REEP1: variants seen among roughly 807,000 people sequenced by gnomAD.
REEP1 encodes the protein receptor expression-enhancing protein 1.
REEP1 carries 22 observed loss-of-function variants against 40.3 expected under a neutral mutation model. The observed-to-expected ratio is 0.55, with a 90% CI of 0.39 to 0.78. The LOEUF (loss-of-function observed/expected upper bound fraction) is 0.78, where lower values mean the gene tolerates loss of function less well. Ranked by LOEUF, REEP1 falls within the 30% of genes least tolerant of loss-of-function variation. REEP1 has a pLI of 0.00. For missense variants in REEP1, 280 were observed against 361.1 expected (o/e 0.78, Z 1.82); for synonymous variants, 116 against 139.2 (o/e 0.83, Z 1.17).
At chr2:86,306,661 C>A (rs1260465963) in intron 1 of REEP1, among the ~76,000 whole-genome samples, 1 of 152,172 alleles carries the variant, frequency 6.6e-6, no homozygotes, top group African/African-American at 2.4e-5. Flanking sequence ...GTTATCTGAT[C>A]TACAAATTGG....
intron 1 of REEP1, among the ~76,000 whole-genome samples, chr2:86,284,169 C>T (rs78924465): frequency 6.6e-6 from 1 of 152,198 alleles, no homozygotes; most frequent in Non-Finnish European, 1.5e-5. Flanking sequence ...CTTGCCTGCC[C>T]CCTCCTAAGC....
At position 86,217,086 on chromosome 2, in the gene REEP1, G is replaced by A. The variant is rs375445585; in HGVS notation, c.808C>T (p.Arg270Cys). The change falls in exon 9 of 9, where the codon CGC (arginine) becomes TGC (cysteine). Residue 270 changes from arginine (R) to cysteine (C), a missense_variant. Coordinates refer to ENST00000538924, the MANE Select transcript of REEP1 (RefSeq NM_001371279.1). ...LEAPPRILRS[R>C]FRKKSTSSSA... Reference sequence around the variant, plus strand: ...GATGAGGTACTTTTCTTCCTGAAGCGAGATCGAAGGATTCTAGGCGGTGCC... The same window carrying A: ...GATGAGGTACTTTTCTTCCTGAAGCAAGATCGAAGGATTCTAGGCGGTGCC... The A allele has an allele frequency of 8.0e-5, 129 of 1,614,096 alleles. 4 individuals are homozygous for A. In the South Asian group the frequency reaches 1.1e-3, roughly 14 times the overall value.
intron 1 of REEP1, among the ~76,000 whole-genome samples, chr2:86,311,304 G>A (rs182664649): frequency 1.3e-5 from 2 of 152,312 alleles, no homozygotes; most frequent in African/African-American, 4.8e-5. Flanking sequence ...GCAACAGGGG[G>A]GCCAGCAGGG....
intron 6 of REEP1, 70 bp downstream of exon 6, chr2:86,232,555 C>T (rs1333643524): frequency 2.1e-5 from 33 of 1,560,134 alleles, no homozygotes; most frequent in South Asian, 1.2e-4. Flanking sequence ...TGCCACACTG[C>T]GGACTGGGCC....
chr2:86,295,832 C>T (rs1678956199), intron 1 of REEP1, among the ~76,000 whole-genome samples: 1 of 152,214 alleles, frequency 6.6e-6, no homozygotes, highest in South Asian at 2.1e-4. Flanking sequence ...AGCCACCGCG[C>T]CCAGCCCACA....
intron 3 of REEP1, among the ~76,000 whole-genome samples, chr2:86,261,746 A>G (rs1240852619): frequency 1.3e-5 from 2 of 152,186 alleles, no homozygotes; most frequent in East Asian, 1.9e-4. Context: ...GAGGATTAGT[A>G]TAAGAGGAAG....
intron 7 of REEP1, 100 bp downstream of exon 7, chr2:86,227,263 C>T: frequency 5.3e-6 from 5 of 949,520 alleles, no homozygotes; most frequent in Non-Finnish European, 6.9e-6. Flanking sequence ...TATGACCATG[C>T]AGCTGAAAGG....
At chr2:86,226,775 G>A (rs895754035) in intron 7 of REEP1, among the ~76,000 whole-genome samples, 10 of 151,948 alleles carry the variant, frequency 6.6e-5, no homozygotes, top group African/African-American at 2.2e-4. Context: ...CAGTGACCCT[G>A]TGGTGGTTTT....
At chr2:86,251,748 A>C in intron 5 of REEP1, 4 of 598,814 alleles carry the variant, frequency 6.7e-6, no homozygotes, top group Non-Finnish European at 9.0e-6. Context: ...ACCTCTTGAT[A>C]TTGCAAGTAT....
chr2:86,271,360 C>A (rs1350252441), intron 2 of REEP1, among the ~76,000 whole-genome samples: 3 of 148,106 alleles, frequency 2.0e-5, no homozygotes, highest in Admixed American at 2.0e-4. Context: ...AAAGAAAAAT[C>A]ATTACCATAC....
intron 1 of REEP1, among the ~76,000 whole-genome samples, chr2:86,332,974 A>G (rs920313132): frequency 6.6e-6 from 1 of 152,224 alleles, no homozygotes; most frequent in Non-Finnish European, 1.5e-5. Flanking sequence ...AGTTGCCCTT[A>G]GGACTGTGAT....
intron 2 of REEP1, among the ~76,000 whole-genome samples, chr2:86,273,390 T>C (rs766752240): frequency 6.6e-6 from 1 of 151,834 alleles, no homozygotes; most frequent in Non-Finnish European, 1.5e-5. Context: ...GCTCAAGTGA[T>C]TCTCCCACTC....
chr2:86,294,158 T>C (rs918937820), intron 1 of REEP1, among the ~76,000 whole-genome samples: 1 of 151,752 alleles, frequency 6.6e-6, no homozygotes, highest in Non-Finnish European at 1.5e-5. Flanking sequence ...ATATAGGGAG[T>C]TGATAATGGG....
chr2:86,215,698 T>C lies in REEP1; in HGVS notation c.*1341A>G, dbSNP rs1005879198. On this transcript the variant is annotated 3_prime_UTR_variant, in exon 9 of 9. Transcript: ENST00000538924. ...CAATGCCATTTAAACCAGATTCTTT[T>C]CAAATAAAATTCTCAATCTAAGTGG... The C allele has an allele frequency of 2.0e-5, 3 of 152,642 alleles. No homozygotes were observed. Among genetic ancestry groups the C allele is most frequent in the Non-Finnish European group, 4.4e-5 (3 of 68,046 alleles). The allele number at this position is 152,642 out of a possible 1,614,324, so 9.5% of individuals were successfully genotyped here.
chr2:86,306,555 G>A (rs1679487339), intron 1 of REEP1, among the ~76,000 whole-genome samples: 1 of 152,140 alleles, frequency 6.6e-6, no homozygotes, highest in African/African-American at 2.4e-5. Context: ...CTACAGTACT[G>A]CAATAAGCAA....
rs116442202 is a variant in REEP1, at chr2:86,323,398, C to T, written c.32+14081G>A. 2.8e-3 allele frequency among the ~76,000 whole-genome samples: 421 copies of T among 151,920 alleles called. 3 individuals are homozygous for T. The highest frequency in any genetic ancestry group is 9.8e-3 in the African/African-American group (406 of 41,412). Reference sequence around the variant, plus strand: ...CCAACCCCTGGGCTGCAGACAAGGACGGAGACTGGTCTGTGGTCTGTTAGG... The same window carrying T: ...CCAACCCCTGGGCTGCAGACAAGGATGGAGACTGGTCTGTGGTCTGTTAGG... On this transcript the variant is annotated intron_variant, in intron 1 of 8. Coordinates refer to ENST00000538924, the MANE Select transcript of REEP1 (RefSeq NM_001371279.1).
At chr2:86,221,876 A>G (rs887151408) in intron 7 of REEP1, among the ~76,000 whole-genome samples, 4 of 152,170 alleles carry the variant, frequency 2.6e-5, no homozygotes, top group Non-Finnish European at 1.5e-5. Flanking sequence ...GCAGGAGGGA[A>G]AAAAGACCAA....
chr2:86,219,741 C>T (rs1011967012), intron 8 of REEP1, among the ~76,000 whole-genome samples: 8 of 152,144 alleles, frequency 5.3e-5, no homozygotes, highest in Admixed American at 2.6e-4. Context: ...CCACTGCACC[C>T]GGCTCACGCT....
upstream of REEP1, chr2:86,337,907 C>T (rs1007512244): frequency 3.8e-6 from 4 of 1,050,680 alleles, no homozygotes; most frequent in Middle Eastern, 2.7e-4. The surrounding 1 kb of genome is among the most constrained non-coding windows in gnomAD (Gnocchi z 5.8). Flanking sequence ...CCACCCTCAG[C>T]GTTCCAGCGG....
Sources: gnomAD v4.1 joint callset for allele counts (sites outside exome capture counted in the v4.1 genomes callset) on GRCh38, gnomAD v4.1.1 for gene constraint, Gnocchi (gnomAD v3.1) non-coding constraint, MANE v1.5 for transcripts, NCBI Gene and HGNC (gene_info 2026-07-23, HGNC 2026-07-21) for gene names.